PPP1R1C: variants seen among roughly 807,000 people sequenced by gnomAD.
PPP1R1C encodes the protein protein phosphatase 1 regulatory subunit 1C.
A neutral mutation model predicts 17.4 loss-of-function variants in PPP1R1C; 15 were observed. That is an observed-to-expected ratio of 0.86 (90% confidence interval 0.58 to 1.33). The LOEUF (loss-of-function observed/expected upper bound fraction) is 1.33. PPP1R1C is among the 40% of genes most tolerant of loss of function. The probability of loss-of-function intolerance (pLI) is 0.00; values close to 1 mark genes in which losing one functional copy is unlikely to be tolerated. For missense variants in PPP1R1C, 143 were observed against 130.0 expected, an observed-to-expected ratio of 1.10 and a Z score of -0.48; for synonymous variants, 35 against 43.1, an observed-to-expected ratio of 0.81 and a Z score of 0.73.
intron 1 of PPP1R1C, among the ~76,000 whole-genome samples, chr2:181,956,820 A>C (rs1370698322): frequency 6.6e-6 from 1 of 152,208 alleles, no homozygotes; most frequent in Non-Finnish European, 1.5e-5. Context: ...AAAAATGGCA[A>C]TTTCAGATTA....
intron 2 of PPP1R1C, among the ~76,000 whole-genome samples, chr2:182,050,929 A>G (rs1008813856): frequency 6.6e-6 from 1 of 152,188 alleles, no homozygotes; most frequent in Non-Finnish European, 1.5e-5. Context: ...AGCAGTCAAC[A>G]TTTTCTCTTG....
intron 2 of PPP1R1C, among the ~76,000 whole-genome samples, chr2:182,055,454 G>A (rs986502308): frequency 6.6e-6 from 1 of 152,038 alleles, no homozygotes; most frequent in Admixed American, 6.5e-5. Context: ...TCTTCCTGGT[G>A]TTCTAAGACT....
intron 4 of PPP1R1C, among the ~76,000 whole-genome samples, chr2:182,091,321 G>T (rs1489909610): frequency 6.6e-6 from 1 of 152,086 alleles, no homozygotes; most frequent in African/African-American, 2.4e-5. Flanking sequence ...ATATTAAAAT[G>T]TAAGAAACAC....
At chr2:182,038,042 T>A (rs968610268) in intron 2 of PPP1R1C, among the ~76,000 whole-genome samples, 2 of 151,884 alleles carry the variant, frequency 1.3e-5, no homozygotes, top group African/African-American at 2.4e-5. Flanking sequence ...GTATTTTATT[T>A]TATATATATA....
intron 4 of PPP1R1C, among the ~76,000 whole-genome samples, chr2:182,095,651 T>C (rs533990712): frequency 8.5e-5 from 13 of 152,210 alleles, no homozygotes; most frequent in Non-Finnish European, 1.6e-4. Flanking sequence ...TGTCTTCCAA[T>C]GGGGCTGCAG....
intron 2 of PPP1R1C, among the ~76,000 whole-genome samples, chr2:182,034,835 C>A (rs1301465589): frequency 6.6e-6 from 1 of 152,118 alleles, no homozygotes; most frequent in Non-Finnish European, 1.5e-5. Context: ...GAGGGTAGGC[C>A]ACCAAAATCA....
intron 2 of PPP1R1C, among the ~76,000 whole-genome samples, chr2:182,031,189 G>T (rs1686823433): frequency 6.6e-6 from 1 of 152,230 alleles, no homozygotes; most frequent in African/African-American, 2.4e-5. Context: ...AGCTCACGCT[G>T]GGAGCTGTAG....
intron 2 of PPP1R1C, among the ~76,000 whole-genome samples, chr2:181,977,139 A>C (rs1461820129): frequency 9.4e-6 from 1 of 106,306 alleles, no homozygotes; most frequent in Non-Finnish European, 1.8e-5. Context: ...ATCTAAAAAA[A>C]AAAAAAAAAA....
intron 5 of PPP1R1C, among the ~76,000 whole-genome samples, chr2:182,125,915 C>T (rs1248410041): frequency 6.6e-6 from 1 of 151,982 alleles, no homozygotes. Context: ...ATCTCCTTCA[C>T]TTCTGCTCTG....
At chr2:182,057,899 A>AT (rs527492004) in intron 2 of PPP1R1C, among the ~76,000 whole-genome samples, 123 of 152,098 alleles carry the variant, frequency 8.1e-4, no homozygotes, top group African/African-American at 2.9e-3. Context: ...GGATTTAGTG[A>AT]TTTTTTATTT....
Position 181,961,030 on chromosome 2 carries a change from C to T in PPP1R1C, n.111+6396C>T, listed in dbSNP as rs142584198. 2.6e-4 allele frequency among the ~76,000 whole-genome samples: 40 copies of T among 152,212 alleles called. No homozygotes were observed. The East Asian group carries it at 7.7e-3, about 29-fold the overall frequency. ...GGAAGGTAAAGGGCAGATAAAATCACTTTGCTGGAGAAATCAGAAGAGGGA... is the reference window on the plus strand; with the variant it reads ...GGAAGGTAAAGGGCAGATAAAATCATTTTGCTGGAGAAATCAGAAGAGGGA... On this transcript the variant is annotated intron_variant and non_coding_transcript_variant, in intron 1 of 5. Transcript: ENST00000464264. The surrounding 1 kb of genome is among the most constrained non-coding windows in gnomAD (Gnocchi z 5.8).
intron 2 of PPP1R1C, among the ~76,000 whole-genome samples, chr2:182,009,005 A>G (rs1686011212): frequency 6.6e-6 from 1 of 152,176 alleles, no homozygotes; most frequent in African/African-American, 2.4e-5. Context: ...GTGTTTACGT[A>G]TCACATTTTG....
intron 2 of PPP1R1C, among the ~76,000 whole-genome samples, chr2:182,050,216 A>G (rs975559153): frequency 6.6e-6 from 1 of 152,226 alleles, no homozygotes; most frequent in Non-Finnish European, 1.5e-5. Flanking sequence ...TCCTAGTTTT[A>G]TATAGATTAT....
chr2:182,081,994 A>T (rs1921147), intron 4 of PPP1R1C, among the ~76,000 whole-genome samples: 83,958 of 151,162 alleles, frequency 0.56, 23,719 homozygotes, highest in Non-Finnish European at 0.61. Flanking sequence ...TATTTTTTTT[A>T]AAAAAAGGTC....
intron 2 of PPP1R1C, among the ~76,000 whole-genome samples, chr2:181,993,675 T>C (rs959165289): frequency 5.3e-5 from 8 of 152,192 alleles, no homozygotes; most frequent in African/African-American, 1.7e-4. Flanking sequence ...TTATGAGTTA[T>C]TGAATGCTGA....
At chr2:182,100,771 A>G (rs1007260421) in intron 4 of PPP1R1C, among the ~76,000 whole-genome samples, 2 of 152,170 alleles carry the variant, frequency 1.3e-5, no homozygotes, top group Admixed American at 6.5e-5. Flanking sequence ...TGCCACCTTA[A>G]GTAGGAAACA....
At chr2:182,024,977 T>G (rs947501323) in intron 2 of PPP1R1C, among the ~76,000 whole-genome samples, 5 of 149,346 alleles carry the variant, frequency 3.3e-5, no homozygotes, top group African/African-American at 1.2e-4. Context: ...ATGGGTACAA[T>G]GTATGTTATT....
chr2:181,965,090 T>C (rs1684883521), intron 1 of PPP1R1C, among the ~76,000 whole-genome samples: 1 of 151,472 alleles, frequency 6.6e-6, no homozygotes, highest in Non-Finnish European at 1.5e-5. Flanking sequence ...GCCATTTATA[T>C]ATCTTCTTTT....
chr2:182,105,639 T>G (rs1410598189), intron 4 of PPP1R1C, among the ~76,000 whole-genome samples: 4 of 152,178 alleles, frequency 2.6e-5, no homozygotes, highest in African/African-American at 9.7e-5. Flanking sequence ...CCAGAGAATT[T>G]GATATGATCA....
Sources: gnomAD v4.1 joint callset for allele counts (sites outside exome capture counted in the v4.1 genomes callset) on GRCh38, gnomAD v4.1.1 for gene constraint, Gnocchi (gnomAD v3.1) non-coding constraint, MANE v1.5 for transcripts, NCBI Gene and HGNC (gene_info 2026-07-23, HGNC 2026-07-21) for gene names.